The following USP44 variants were observed in gnomAD, a reference collection of about 807,000 sequenced individuals.
The protein encoded by USP44 is ubiquitin carboxyl-terminal hydrolase 44.
In USP44, 61 loss-of-function variants were observed where a neutral mutation model predicts 69.0. The observed-to-expected ratio is 0.88, with a 90% CI of 0.72 to 1.09. The LOEUF (loss-of-function observed/expected upper bound fraction) is 1.09. USP44 is among the 50% of genes least tolerant of loss of function. USP44 has a pLI of 0.00. For missense variants in USP44, 753 were observed against 849.9 expected (o/e 0.89, Z 1.42); for synonymous variants, 297 against 295.4 (o/e 1.01, Z -0.06).
chr12:95,529,313 T>C (rs1306149216), intron 2 of USP44, among the ~76,000 whole-genome samples: 1 of 152,134 alleles, frequency 6.6e-6, no homozygotes, highest in African/African-American at 2.4e-5. Context: ...TATACATATA[T>C]ACATATATAC....
chr12:95,521,227 A>G, intron 4 of USP44, 25 bp from the exon 5 acceptor site: 1 of 1,612,648 alleles, frequency 6.2e-7, no homozygotes, highest in Admixed American at 1.7e-5. Context: ...GTGTAAAATT[A>G]TCCACACAAT....
At chr12:95,539,514 C>T (rs1003801352) in intron 1 of USP44, among the ~76,000 whole-genome samples, 1 of 152,160 alleles carries the variant, frequency 6.6e-6, no homozygotes, top group Non-Finnish European at 1.5e-5. Flanking sequence ...GCATGAGTCA[C>T]CGCGCCCGGC....
intron 1 of USP44, among the ~76,000 whole-genome samples, chr12:95,535,712 C>T (rs968532106): frequency 2.0e-5 from 3 of 151,964 alleles, no homozygotes; most frequent in South Asian, 4.2e-4. Context: ...TTTAAAAAGC[C>T]GTGATCACAA....
chr12:95,518,561 AT>A (rs895207946), intron 5 of USP44, among the ~76,000 whole-genome samples: 2 of 152,210 alleles, frequency 1.3e-5, no homozygotes, highest in African/African-American at 4.8e-5. Context: ...CATGTGACTG[AT>A]TAGAGTACCT....
intron 1 of USP44, among the ~76,000 whole-genome samples, chr12:95,547,327 A>T (rs1442521715): frequency 6.6e-6 from 1 of 152,216 alleles, no homozygotes; most frequent in Non-Finnish European, 1.5e-5. Flanking sequence ...GACATCGAAC[A>T]TATGCAAAAC....
At position 95,544,048 on chromosome 12, in the gene USP44, C is replaced by CTTTTTTTTTTTTTTTTTTTTTTTTTTT. The variant is rs1191045599; in HGVS notation, c.-71+7223_-71+7224insAAAAAAAAAAAAAAAAAAAAAAAAAAA. On this transcript the variant is annotated intron_variant, in intron 1 of 5. Transcript: ENST00000258499. ...ACATTCCACTGTAAATTTTAGTTAT[C>CTTTTTTTTTTTTTTTTTTTTTTTTTTT]TTTTTTTTTTTTTTTTTTTTTTCTG... Among the ~76,000 whole-genome samples the CTTTTTTTTTTTTTTTTTTTTTTTTTTT allele has an allele frequency of 2.1e-5, 2 of 97,236 alleles. 1 individual carries two copies. Among genetic ancestry groups the CTTTTTTTTTTTTTTTTTTTTTTTTTTT allele is most frequent in the Non-Finnish European group, 3.8e-5 (2 of 53,052 alleles). 63.8% of individuals were successfully genotyped at this position (97,236 alleles called of 152,430 possible). A position where few individuals can be genotyped will look rare whatever the true frequency, so the allele number is the denominator to read the frequency against.
At chr12:95,547,814 G>A (rs1387013188) in intron 1 of USP44, among the ~76,000 whole-genome samples, 1 of 152,156 alleles carries the variant, frequency 6.6e-6, no homozygotes, top group African/African-American at 2.4e-5. Context: ...GGGACTTGAG[G>A]ACTGGTCTGA....
chr12:95,516,968 A>C lies in USP44; in HGVS notation c.*1186T>G, dbSNP rs185392225. 1 of 152,104 alleles carries C rather than the reference A, an allele frequency of 6.6e-6. No individual in the cohort carries two copies. The highest frequency in any genetic ancestry group is 1.5e-5 in the Non-Finnish European group (1 of 68,018). The allele number at this position is 152,104 out of a possible 1,614,324, so 9.4% of individuals were successfully genotyped here. Reference sequence around the variant, plus strand: ...TGGTCTACAGAGATTAGTTGATTCTACCCTCTCCAAATAAGATAAAGTTAG... The same window carrying C: ...TGGTCTACAGAGATTAGTTGATTCTCCCCTCTCCAAATAAGATAAAGTTAG... On this transcript the variant is annotated 3_prime_UTR_variant, in exon 6 of 6. Coordinates refer to ENST00000258499, the MANE Select transcript of USP44 (RefSeq NM_032147.5).
chr12:95,534,004 AATC>A lies in USP44; in HGVS notation c.250_252del (p.Asp84del), dbSNP rs761647647. ...CCAGTTGTGTTATCATTCAGAACAT[AATC>A]ATCACAAAGGTAACAAAAAACGTAC... On this transcript the variant is annotated inframe_deletion, in exon 2 of 6. Transcript: ENST00000258499. The A allele has an allele frequency of 1.9e-6, 3 of 1,614,082 alleles. No individual in the cohort carries two copies. The highest frequency in any genetic ancestry group is 2.5e-6 in the Non-Finnish European group (3 of 1,180,050).
At chr12:95,521,863 G>A (rs1190574276) in intron 4 of USP44, among the ~76,000 whole-genome samples, 2 of 152,088 alleles carry the variant, frequency 1.3e-5, no homozygotes. Flanking sequence ...CTACAATCTG[G>A]ATCTTTCTTG....
rs1289108815 is a variant in USP44, at chr12:95,522,212, T to C, written c.1734-1010A>G. 2.8e-5 allele frequency: 16 copies of C among 579,732 alleles called. 1 individual carries two copies. The highest frequency in any genetic ancestry group is 3.5e-5 in the Non-Finnish European group (16 of 459,902). 35.9% of individuals were successfully genotyped at this position (579,732 alleles called of 1,614,324 possible). On this transcript the variant is annotated intron_variant, in intron 4 of 5. Coordinates refer to ENST00000258499, the MANE Select transcript of USP44 (RefSeq NM_032147.5). ...GAGACAAGGCAGACATAGATAAAAA[T>C]ATAGTAGTAAAGTACTAAAACATGA...
intron 3 of USP44, among the ~76,000 whole-genome samples, chr12:95,525,034 G>C (rs1392287659): frequency 4.6e-5 from 7 of 152,116 alleles, no homozygotes; most frequent in Admixed American, 4.6e-4. Flanking sequence ...TAATAATCTT[G>C]CATATAATGT....
At chr12:95,518,596 A>G (rs67170495) in intron 5 of USP44, among the ~76,000 whole-genome samples, 12,812 of 152,146 alleles carry the variant, frequency 0.084, 744 homozygotes, top group African/African-American at 0.16. Context: ...CTTTGTGTAA[A>G]TCTACCAGTT....
At chr12:95,547,171 G>A (rs1186717008) in intron 1 of USP44, among the ~76,000 whole-genome samples, 3 of 152,038 alleles carry the variant, frequency 2.0e-5, no homozygotes, top group Non-Finnish European at 4.4e-5. Flanking sequence ...ATTAACATTT[G>A]GGAAGAAAAA....
Position 95,533,007 on chromosome 12 carries a change from C to A in USP44, c.1250G>T (p.Arg417Leu). The change falls in exon 2 of 6, where the codon CGT (arginine) becomes CTT (leucine). Residue 417 changes from arginine to leucine, a missense_variant. Transcript: ENST00000258499. Reference sequence around the variant, plus strand: ...CTGAGCGTCTTGTTGGGCGTAACCACGAAAGGCAGGAATGAGTCTCCACAC... The same window carrying A: ...CTGAGCGTCTTGTTGGGCGTAACCAAGAAAGGCAGGAATGAGTCTCCACAC... ...HSVWRLIPAF[R>L]GYAQQDAQEF... 1 of 1,614,120 alleles carries A rather than the reference C, an allele frequency of 6.2e-7. No homozygotes were observed. Among genetic ancestry groups the A allele is most frequent in the Non-Finnish European group, 8.5e-7 (1 of 1,180,028 alleles).
At position 95,532,860 on chromosome 12, in the gene USP44, T is replaced by C; in HGVS notation, c.1397A>G (p.Asn466Ser). The change falls in exon 2 of 6, where the codon AAT becomes AGT. Residue 466 changes from asparagine (N) to serine (S), a missense_variant. Transcript: ENST00000258499. Reference protein sequence around the residue: ...KLIKQVLNVVNNIFHGQLLSQ... With the variant: ...KLIKQVLNVVSNIFHGQLLSQ... ...AAGAAGTTGTCCATGAAAAATGTTA[T>C]TTACAACATTCAGAACTTGTTTGAT... The C allele has an allele frequency of 6.3e-7, 1 of 1,590,950 alleles. No individual in the cohort carries two copies. The highest frequency in any genetic ancestry group is 1.2e-5 in the South Asian group (1 of 86,630).
rs371896999 is a variant in USP44, at chr12:95,518,195, T to G, written c.2098A>C (p.Asn700His). 6.2e-7 allele frequency: 1 copy of G among 1,614,200 alleles called. No individual in the cohort carries two copies. Among genetic ancestry groups the G allele is most frequent in the East Asian group, 2.2e-5 (1 of 44,880 alleles). Reference sequence around the variant, plus strand: ...TTAGACGAGGTATCAGCGTCTTCATTGGGATGTTGGCTCCCCAACAGGAGC... The same window carrying G: ...TTAGACGAGGTATCAGCGTCTTCATGGGGATGTTGGCTCCCCAACAGGAGC... ...PELLLGSQHP[N>H]EDADTSSNEI... Residue 700 changes from asparagine (N) to histidine (H), a missense_variant, in exon 6 of 6, where the codon AAT becomes CAT. Physicochemically the swap from Asn to His is moderately conservative, Grantham distance 68. Coordinates refer to ENST00000258499, the MANE Select transcript of USP44 (RefSeq NM_032147.5).
intron 1 of USP44, among the ~76,000 whole-genome samples, chr12:95,542,746 A>T (rs1476980997): frequency 1.4e-5 from 2 of 147,096 alleles, no homozygotes; most frequent in African/African-American, 5.1e-5. Flanking sequence ...GCAAGACTCC[A>T]TCTCAAAAAA....
rs1391148731 is a variant in USP44 at position 95,545,919 on chromosome 12, T to G, written c.-71+5353A>C. Among the ~76,000 whole-genome samples the G allele has an allele frequency of 2.0e-5, 3 of 152,326 alleles. No homozygotes were observed. The East Asian group carries it at 5.8e-4, about 29-fold the overall frequency. ...CTAGAATCTATAATTACCCTGATCTTGCTTGGAACTCCTCATTAAACAATA... is the reference window on the plus strand; with the variant it reads ...CTAGAATCTATAATTACCCTGATCTGGCTTGGAACTCCTCATTAAACAATA... On this transcript the variant is annotated intron_variant, in intron 1 of 5. Coordinates refer to ENST00000258499, the MANE Select transcript of USP44 (RefSeq NM_032147.5).
Sources: allele counts gnomAD v4.1 joint callset (sites outside exome capture counted in the v4.1 genomes callset), GRCh38; gene constraint gnomAD v4.1.1; transcripts MANE v1.5; gene names NCBI Gene and HGNC (gene_info 2026-07-23, HGNC 2026-07-21).